Variants in EPS15 observed in about 807,000 individuals in gnomAD.
EPS15 encodes epidermal growth factor receptor pathway substrate 15.
EPS15 carries 72 observed loss-of-function variants against 113.8 expected under a neutral mutation model. That is an observed-to-expected ratio of 0.63 (90% CI 0.52 to 0.77). The LOEUF (loss-of-function observed/expected upper bound fraction) is 0.77, where lower values mean the gene tolerates loss of function less well. Among genes scored for constraint, EPS15 ranks in the 30% least tolerant of loss-of-function variants. EPS15 has a pLI of 0.00. For synonymous variants in EPS15, 344 were observed against 363.4 expected (o/e 0.95, Z 0.61); for missense variants, 1,048 against 1,045.8 (o/e 1.00, Z -0.03).
At chr1:51,411,216 T>C (rs1649689243) in intron 13 of EPS15, among the ~76,000 whole-genome samples, 1 of 152,192 alleles carries the variant, frequency 6.6e-6, no homozygotes, top group Non-Finnish European at 1.5e-5. Context: ...AACTGGTTAG[T>C]CTAAAAATAT....
intron 1 of EPS15, among the ~76,000 whole-genome samples, chr1:51,502,655 T>C (rs1224503745): frequency 1.3e-5 from 2 of 152,132 alleles, no homozygotes; most frequent in Admixed American, 6.6e-5. Context: ...AAGATCAGTA[T>C]AAAAAAATTT....
intron 21 of EPS15, among the ~76,000 whole-genome samples, chr1:51,371,780 C>A (rs1646662258): frequency 6.6e-6 from 1 of 152,138 alleles, no homozygotes; most frequent in Non-Finnish European, 1.5e-5. Context: ...ATGTCTTGGG[C>A]CTTCACATTC....
At chr1:51,490,673 C>T (rs555302830) in intron 1 of EPS15, among the ~76,000 whole-genome samples, 2 of 151,280 alleles carry the variant, frequency 1.3e-5, no homozygotes, top group East Asian at 1.9e-4. Context: ...ACTAGGGAGT[C>T]GTCAGTAAAT....
chr1:51,356,912 A>G, intron 24 of EPS15, 66 bp from the exon 25 acceptor site: 1 of 1,456,456 alleles, frequency 6.9e-7, no homozygotes, highest in Non-Finnish European at 9.4e-7. Context: ...AAAGAAGGAA[A>G]AATAGTTTTT....
At chr1:51,397,903 G>A (rs190361321) in intron 20 of EPS15, among the ~76,000 whole-genome samples, 1 of 152,112 alleles carries the variant, frequency 6.6e-6, no homozygotes, top group African/African-American at 2.4e-5. Flanking sequence ...TCTCAAAAAC[G>A]AAGTCTCAAA....
chr1:51,461,657 G>C (rs1210303182), intron 7 of EPS15: 1 of 152,060 alleles, frequency 6.6e-6, no homozygotes, highest in African/African-American at 2.4e-5. Flanking sequence ...AAAAAGTTAG[G>C]TTTAAGTAAT....
At chr1:51,490,628 T>C (rs1402356496) in intron 1 of EPS15, among the ~76,000 whole-genome samples, 1 of 145,496 alleles carries the variant, frequency 6.9e-6, no homozygotes, top group East Asian at 2.0e-4. Context: ...TAAAACATAA[T>C]GCCAATCTTT....
intron 12 of EPS15, chr1:51,423,871 T>A (rs752783150): frequency 8.4e-5 from 20 of 237,310 alleles, no homozygotes; most frequent in Non-Finnish European, 1.3e-4. Context: ...AGTCTATGTT[T>A]GGGTAAAATG....
chr1:51,385,846 G>C (rs989479447), intron 21 of EPS15, among the ~76,000 whole-genome samples: 4 of 152,196 alleles, frequency 2.6e-5, no homozygotes, highest in African/African-American at 9.6e-5. Context: ...GAAGTATGCA[G>C]AGTAGTAATG....
chr1:51,462,894 TTC>T (rs978582800), intron 7 of EPS15, among the ~76,000 whole-genome samples: 17 of 147,842 alleles, frequency 1.1e-4, no homozygotes, highest in African/African-American at 2.0e-4. Flanking sequence ...TTTTTTTTTT[TTC>T]TAAGACAGTC....
intron 11 of EPS15, among the ~76,000 whole-genome samples, chr1:51,443,811 C>T (rs942514685): frequency 1.3e-5 from 2 of 151,834 alleles, no homozygotes; most frequent in Non-Finnish European, 2.9e-5. Flanking sequence ...CGCCAACGCA[C>T]CTGGCTAATT....
chr1:51,480,717 G>A (rs1006690778), intron 2 of EPS15, among the ~76,000 whole-genome samples: 2 of 152,222 alleles, frequency 1.3e-5, no homozygotes, highest in Admixed American at 1.3e-4. Context: ...TCACCATGTT[G>A]GCCAGCCTGG....
chr1:51,356,503 A>T lies in EPS15; in HGVS notation c.*197T>A. 1 of 488,546 alleles carries T rather than the reference A, an allele frequency of 2.0e-6. No homozygotes were observed. Among genetic ancestry groups the T allele is most frequent in the Non-Finnish European group, 3.6e-6 (1 of 281,626 alleles). 30.3% of individuals were successfully genotyped at this position (488,546 alleles called of 1,614,324 possible). On this transcript the variant is annotated 3_prime_UTR_variant, in exon 25 of 25. Transcript: ENST00000371733. ...GAAGGTGAATTTGTCTGACTGGGTT[A>T]CGGCTTTTATAAGAAAAAAAAAAAA... is the stretch of plus-strand genomic sequence containing the variant.
At chr1:51,507,384 C>T (rs550820455) in intron 1 of EPS15, among the ~76,000 whole-genome samples, 2 of 152,122 alleles carry the variant, frequency 1.3e-5, no homozygotes, top group African/African-American at 2.4e-5. Flanking sequence ...CAGAATAGGC[C>T]AGGTGCAGTG....
At chr1:51,420,048 C>T (rs1192469520) in intron 13 of EPS15, among the ~76,000 whole-genome samples, 1 of 152,074 alleles carries the variant, frequency 6.6e-6, no homozygotes, top group African/African-American at 2.4e-5. Flanking sequence ...TTGGTCTTTA[C>T]TTACCATGGC....
intron 1 of EPS15, among the ~76,000 whole-genome samples, 169 bp from the exon 2 acceptor site, chr1:51,481,483 T>A (rs918771981): frequency 1.3e-5 from 2 of 152,158 alleles, no homozygotes; most frequent in African/African-American, 4.8e-5. Flanking sequence ...AGAGAATAGA[T>A]AAAGATAGTC....
chr1:51,365,467 A>G (rs1417501763), intron 22 of EPS15, among the ~76,000 whole-genome samples: 2 of 152,224 alleles, frequency 1.3e-5, no homozygotes, highest in East Asian at 3.9e-4. Context: ...CTTTTCTCTT[A>G]GCCCGAATCA....
At chr1:51,356,869 A>G in intron 24 of EPS15, 23 bp from the exon 25 acceptor site, 2 of 1,597,174 alleles carry the variant, frequency 1.3e-6, no homozygotes, top group East Asian at 4.5e-5. Context: ...AGATCGATGA[A>G]CAAACGAATA....
intron 12 of EPS15, chr1:51,423,810 G>T: frequency 1.3e-6 from 1 of 750,118 alleles, no homozygotes; most frequent in Non-Finnish European, 1.6e-6. Flanking sequence ...AAGCTCACTT[G>T]GTGAAAATCC....
Sources: allele counts gnomAD v4.1 joint callset (sites outside exome capture counted in the v4.1 genomes callset), GRCh38; gene constraint gnomAD v4.1.1; transcripts MANE v1.5; gene names NCBI Gene and HGNC (gene_info 2026-07-23, HGNC 2026-07-21).